The following RIN3 variants were observed in gnomAD, a reference collection of about 807,000 sequenced individuals.
RIN3 encodes the protein Ras and Rab interactor 3.
In RIN3, 54 loss-of-function variants were observed where a neutral mutation model predicts 76.3. The observed-to-expected ratio is 0.71, with a 90% CI of 0.57 to 0.89. RIN3 has a LOEUF of 0.89. Ranked by LOEUF, RIN3 falls within the 40% of genes least tolerant of loss-of-function variation. The pLI is 0.00. For synonymous variants in RIN3, 576 were observed against 564.0 expected (o/e 1.02, Z -0.30); for missense variants, 1,256 against 1,322.1 (o/e 0.95, Z 0.78).
At chr14:92,559,670 C>A (rs1237117530) in intron 2 of RIN3, among the ~76,000 whole-genome samples, 3 of 152,166 alleles carry the variant, frequency 2.0e-5, no homozygotes, top group African/African-American at 7.2e-5. Context: ...GTGATCTGGG[C>A]AGACTTCCTG....
At chr14:92,569,989 C>T (rs1255547967) in intron 2 of RIN3, among the ~76,000 whole-genome samples, 1 of 152,196 alleles carries the variant, frequency 6.6e-6, no homozygotes, top group African/African-American at 2.4e-5. Context: ...TGGGTCATGA[C>T]GTGCAGTCTG....
chr14:92,611,452 G>A lies in RIN3; in HGVS notation c.368-3955G>A, dbSNP rs1885732613. 2.0e-5 allele frequency among the ~76,000 whole-genome samples: 3 copies of A among 152,236 alleles called. No individual in the cohort carries two copies. The South Asian group carries it at 6.2e-4, about 32-fold the overall frequency. ...ATTTTTTTTATTTCTAGTAGAGACAGGTTTGACCATGTTGGCCAGTCTGGT... is the reference window on the plus strand; with the variant it reads ...ATTTTTTTTATTTCTAGTAGAGACAAGTTTGACCATGTTGGCCAGTCTGGT... On this transcript the variant is annotated intron_variant, in intron 3 of 9. Transcript: ENST00000216487.
chr14:92,521,152 A>C (rs1051771906), intron 1 of RIN3, among the ~76,000 whole-genome samples: 1 of 149,518 alleles, frequency 6.7e-6, no homozygotes, highest in Non-Finnish European at 1.5e-5. Flanking sequence ...CCATCCATAC[A>C]TCCACCCATC....
chr14:92,665,555 G>A (rs555181737), intron 7 of RIN3, among the ~76,000 whole-genome samples: 20 of 151,128 alleles, frequency 1.3e-4, no homozygotes, highest in East Asian at 1.9e-4. Flanking sequence ...ATTTTTTTTC[G>A]TATTTTTAGT....
intron 1 of RIN3, among the ~76,000 whole-genome samples, chr14:92,538,024 A>T (rs1897046314): frequency 6.6e-6 from 1 of 151,862 alleles, no homozygotes; most frequent in Non-Finnish European, 1.5e-5. Flanking sequence ...ACGGGGTTTC[A>T]CCATGTTGGC....
At chr14:92,558,231 C>A (rs1204906644) in intron 2 of RIN3, among the ~76,000 whole-genome samples, 1 of 152,120 alleles carries the variant, frequency 6.6e-6, no homozygotes, top group Non-Finnish European at 1.5e-5. Flanking sequence ...CACTTGTAAT[C>A]CCAGCTATTC....
chr14:92,621,498 T>A (rs1247534452), intron 4 of RIN3, among the ~76,000 whole-genome samples: 1 of 152,176 alleles, frequency 6.6e-6, no homozygotes, highest in Non-Finnish European at 1.5e-5. Context: ...AATACATGAA[T>A]ACATTGGTTT....
chr14:92,636,143 T>C (rs1260572957), intron 4 of RIN3, among the ~76,000 whole-genome samples: 1 of 152,124 alleles, frequency 6.6e-6, no homozygotes, highest in Non-Finnish European at 1.5e-5. Flanking sequence ...AGAGCTAATA[T>C]ACGTAAAGTG....
At chr14:92,516,691 T>C (rs1456647252) in intron 1 of RIN3, among the ~76,000 whole-genome samples, 1 of 151,818 alleles carries the variant, frequency 6.6e-6, no homozygotes, top group Non-Finnish European at 1.5e-5. Flanking sequence ...GGGTGCAGGG[T>C]CCCCTTGGGT....
At chr14:92,682,652 G>A (rs998566837) in intron 8 of RIN3, among the ~76,000 whole-genome samples, 3 of 152,190 alleles carry the variant, frequency 2.0e-5, no homozygotes, top group African/African-American at 7.2e-5. Context: ...CATCCACTGA[G>A]TCTGTCTCTT....
At chr14:92,517,377 A>G (rs888393347) in intron 1 of RIN3, among the ~76,000 whole-genome samples, 2 of 152,156 alleles carry the variant, frequency 1.3e-5, no homozygotes, top group Admixed American at 6.5e-5. Flanking sequence ...GAAGAGGGGC[A>G]AAAGTATAAA....
intron 5 of RIN3, 28 bp from the exon 6 acceptor site, chr14:92,651,554 A>AC: frequency 3.8e-6 from 5 of 1,304,692 alleles, no homozygotes; most frequent in Non-Finnish European, 5.1e-6. Flanking sequence ...GCACAGACTG[A>AC]CCCCCTGCCC....
intron 1 of RIN3, among the ~76,000 whole-genome samples, chr14:92,550,502 C>A (rs1897394888): frequency 6.6e-6 from 1 of 152,184 alleles, no homozygotes; most frequent in African/African-American, 2.4e-5. Flanking sequence ...CAGCCTCCAC[C>A]TCCAGGCTCA....
At chr14:92,651,432 A>G in intron 5 of RIN3, 150 bp from the exon 6 acceptor site, 1 of 553,930 alleles carries the variant, frequency 1.8e-6, no homozygotes, top group Non-Finnish European at 3.0e-6. Flanking sequence ...AAAGCGTCCA[A>G]GAGGGGAAAA....
rs373209693 is a variant in RIN3 at position 92,643,927 on chromosome 14, CA to C, written c.532+2612del. Among the ~76,000 whole-genome samples the C allele has an allele frequency of 2.6e-3, 362 of 138,134 alleles. No homozygotes were observed. Among genetic ancestry groups the C allele is most frequent in the Middle Eastern group, 7.6e-3 (2 of 262 alleles). 90.6% of individuals were successfully genotyped at this position (138,134 alleles called of 152,430 possible). ...TGGGCAACAGACTGAGACTCTGCCT[CA>C]AAAAAAAAAAAAATTAGAAGATCAA... On this transcript the variant is annotated intron_variant, in intron 5 of 9. Transcript: ENST00000216487. This position sits in a 1 kb window ranked among gnomAD's most constrained non-coding sequence, Gnocchi z 4.8.
chr14:92,675,757 C>T (rs1309342460), intron 7 of RIN3, among the ~76,000 whole-genome samples: 1 of 152,210 alleles, frequency 6.6e-6, no homozygotes, highest in Non-Finnish European at 1.5e-5. Context: ...GGGCAATCTT[C>T]AGGGCCAGCC....
At chr14:92,679,104 T>A (rs1490227304) in intron 8 of RIN3, among the ~76,000 whole-genome samples, 1 of 152,268 alleles carries the variant, frequency 6.6e-6, no homozygotes, top group East Asian at 1.9e-4. Flanking sequence ...AATTCTGGGC[T>A]ACTTCAAGTA....
chr14:92,615,536 C>A, intron 4 of RIN3, 57 bp downstream of exon 4: 1 of 1,458,214 alleles, frequency 6.9e-7, no homozygotes, highest in Admixed American at 1.7e-5. Context: ...TCACATGCAA[C>A]CCTGGGTGGG....
chr14:92,596,160 C>T (rs980338064), intron 3 of RIN3, among the ~76,000 whole-genome samples: 25 of 152,204 alleles, frequency 1.6e-4, no homozygotes, highest in Non-Finnish European at 4.4e-5. Flanking sequence ...ATTTCCCCTG[C>T]TGGAATGTTC....
Sources: allele counts gnomAD v4.1 joint callset (sites outside exome capture counted in the v4.1 genomes callset), GRCh38; gene constraint gnomAD v4.1.1; non-coding constraint Gnocchi (gnomAD v3.1); transcripts MANE v1.5; gene names NCBI Gene and HGNC (gene_info 2026-07-23, HGNC 2026-07-21).